The following PLEKHH1 variants were observed in gnomAD, a reference collection of about 807,000 sequenced individuals.
The protein encoded by PLEKHH1 is pleckstrin homology domain-containing family H member 1.
In PLEKHH1, 104 loss-of-function variants were observed where a neutral mutation model predicts 160.0. The observed-to-expected ratio is 0.65, with a 90% CI of 0.55 to 0.76. The LOEUF is 0.76. Ranked by LOEUF, PLEKHH1 falls within the 30% of genes least tolerant of loss-of-function variation. PLEKHH1 has a pLI of 0.00. For missense variants in PLEKHH1, 1,427 were observed against 1,724.1 expected (o/e 0.83, Z 3.05); for synonymous variants, 619 against 678.4 (o/e 0.91, Z 1.36).
Position 67,585,958 on chromosome 14 carries a change from A to T in PLEKHH1, c.3794A>T (p.His1265Leu), listed in dbSNP as rs770545289. The change falls in exon 28 of 29, where the codon CAC (histidine) becomes CTC (leucine). Residue 1265 changes from histidine to leucine, a missense_variant. His to Leu is a moderately conservative substitution (Grantham distance 99, BLOSUM62 -3). Transcript: ENST00000329153. ...SILDHNTMQV[H>L]ITYPYSSVTT... ...ACTGGTTCCTTTCCACAGCAAGTGC[A>T]CATCACTTACCCCTACTCTTCAGTG... is the stretch of plus-strand genomic sequence containing the variant. 6.2e-7 allele frequency: 1 copy of T among 1,612,414 alleles called. No homozygotes were observed. Among genetic ancestry groups the T allele is most frequent in the South Asian group, 1.1e-5 (1 of 90,762 alleles).
chr14:67,586,790 G>T (rs372813915), intron 28 of PLEKHH1: 1 of 1,382,326 alleles, frequency 7.2e-7, no homozygotes, highest in Admixed American at 2.5e-5. Context: ...TTCTTAAGAA[G>T]GCCCCTTCCC....
chr14:67,548,826 C>T (rs990957948), intron 2 of PLEKHH1, among the ~76,000 whole-genome samples: 5 of 152,216 alleles, frequency 3.3e-5, no homozygotes, highest in South Asian at 2.1e-4. Context: ...CTGTCACAAT[C>T]GCTTGCCAGT....
At position 67,553,065 on chromosome 14, in the gene PLEKHH1, A is replaced by T. The variant is rs560554429; in HGVS notation, c.127-2760A>T. ...TGGAAATGCCTCCATGAGAGGTAAGACCCAAGTTTATCCTTTACTCCACCT... is the reference window on the plus strand; with the variant it reads ...TGGAAATGCCTCCATGAGAGGTAAGTCCCAAGTTTATCCTTTACTCCACCT... On this transcript the variant is annotated intron_variant, in intron 2 of 28. Coordinates refer to ENST00000329153, the MANE Select transcript of PLEKHH1 (RefSeq NM_020715.3). Among the ~76,000 whole-genome samples the T allele has an allele frequency of 8.5e-5, 13 of 152,328 alleles. No homozygotes were observed. In the South Asian group the frequency reaches 2.5e-3, roughly 29 times the overall value.
chr14:67,574,084 C>G lies in PLEKHH1; in HGVS notation c.1927-158C>G, dbSNP rs1189414579. Among the ~76,000 whole-genome samples the G allele has an allele frequency of 6.6e-6, 1 of 152,082 alleles. No homozygotes were observed. Among genetic ancestry groups the G allele is most frequent in the East Asian group, 1.9e-4 (1 of 5,190 alleles). On this transcript the variant is annotated intron_variant, in intron 13 of 28. Coordinates refer to ENST00000329153, the MANE Select transcript of PLEKHH1 (RefSeq NM_020715.3). This position sits in a 1 kb window ranked among gnomAD's most constrained non-coding sequence, Gnocchi z 4.2. ...AGAGATGGAGTGAAGGAAGGAGAGA[C>G]AGGGAGGAAAAGATGAGGAGGAAAA...
chr14:67,573,463 G>A lies in PLEKHH1; in HGVS notation c.1839+77G>A, dbSNP rs1372277090. The A allele has an allele frequency of 1.0e-6, 1 of 991,668 alleles. No homozygotes were observed. Among genetic ancestry groups the A allele is most frequent in the South Asian group, 1.4e-5 (1 of 71,444 alleles). 61.4% of individuals were successfully genotyped at this position (991,668 alleles called of 1,614,324 possible). On this transcript the variant is annotated intron_variant, in intron 12 of 28. Transcript: ENST00000329153. The surrounding 1 kb of genome is among the most constrained non-coding windows in gnomAD (Gnocchi z 4.8). The stretch of plus-strand genomic sequence containing the variant: ...CTGGACTATGTCAGATGGGACGGAG[G>A]AGGGGGAATGTGGCCCAAGGCCAGA...
intron 11 of PLEKHH1, 90 bp downstream of exon 11, chr14:67,572,367 C>CTA: frequency 1.1e-6 from 1 of 889,858 alleles, no homozygotes; most frequent in Non-Finnish European, 1.6e-6. Context: ...CAGTAGCTGC[C>CTA]TGAAGTGAGG....
In PLEKHH1 at chr14:67,583,775, C is replaced by G; in HGVS notation, c.3461C>G (p.Pro1154Arg). The G allele has an allele frequency of 6.2e-7, 1 of 1,612,372 alleles. No individual in the cohort carries two copies. The highest frequency in any genetic ancestry group is 8.5e-7 in the Non-Finnish European group (1 of 1,179,144). ...EYGDLEKPAL[P>R]GPGGTSPAKA... Reference sequence around the variant, plus strand: ...GGGGACTTGGAGAAGCCTGCCCTGCCAGGCCCTGGAGGCACATCCCCTGCC... The same window carrying G: ...GGGGACTTGGAGAAGCCTGCCCTGCGAGGCCCTGGAGGCACATCCCCTGCC... The change falls in exon 25 of 29, where the codon CCA (proline) becomes CGA (arginine). Residue 1154 changes from proline (P) to arginine (R), a missense_variant. Pro to Arg is a moderately radical substitution (Grantham distance 103). Coordinates refer to ENST00000329153, the MANE Select transcript of PLEKHH1 (RefSeq NM_020715.3).
intron 26 of PLEKHH1, among the ~76,000 whole-genome samples, chr14:67,584,949 G>C (rs984686159): frequency 4.6e-5 from 7 of 152,214 alleles, no homozygotes; most frequent in Non-Finnish European, 8.8e-5. Context: ...GAAAAAGGTG[G>C]CATGTCCAAT....
chr14:67,575,457 G>T lies in PLEKHH1; in HGVS notation c.2154G>T (p.Arg718=). The stretch of plus-strand genomic sequence containing the variant: ...TTGGGAAAATCTTCTACTACTATCG[G>T]AGCCATGAGGACAAGGTACTTCTCA... ...ALVGKIFYYY[R]SHEDKRPLGC... is the part of the protein sequence containing the mutation. The change falls in exon 15 of 29, where the codon CGG becomes CGT. Residue 718 remains arginine, a synonymous_variant. Transcript: ENST00000329153. 1 of 1,603,230 alleles carries T rather than the reference G, an allele frequency of 6.2e-7. No homozygotes were observed. The highest frequency in any genetic ancestry group is 8.5e-7 in the Non-Finnish European group (1 of 1,173,612).
rs2035416275 is a variant in PLEKHH1, at chr14:67,572,189, C to T, written c.1640C>T (p.Ala547Val). 6.2e-7 allele frequency: 1 copy of T among 1,608,500 alleles called. No homozygotes were observed. Among genetic ancestry groups the T allele is most frequent in the Admixed American group, 1.7e-5 (1 of 59,406 alleles). The change falls in exon 11 of 29, where the codon GCC becomes GTC. Residue 547 changes from alanine (A) to valine (V), a missense_variant. Ala to Val is a moderately conservative substitution (Grantham distance 64). Transcript: ENST00000329153. The stretch of plus-strand genomic sequence containing the variant: ...GGTGACTACGCCATCCCCCCGGACG[C>T]CTGCTCACTGGACAGTGACTACTCA... Reference protein sequence around the residue: ...SEGDYAIPPDACSLDSDYSEP... With the variant: ...SEGDYAIPPDVCSLDSDYSEP...
intron 5 of PLEKHH1, 37 bp from the exon 6 acceptor site, chr14:67,561,917 C>G: frequency 5.3e-6 from 7 of 1,328,504 alleles, no homozygotes; most frequent in Non-Finnish European, 7.6e-6. Context: ...AACCTGTAGG[C>G]TGGGTGTCCT....
At chr14:67,538,262 G>C (rs2033820977) in intron 1 of PLEKHH1, among the ~76,000 whole-genome samples, 1 of 152,192 alleles carries the variant, frequency 6.6e-6, no homozygotes, top group South Asian at 2.1e-4. Flanking sequence ...ATCATGGGAA[G>C]AGGACAATTG....
At chr14:67,540,958 G>A (rs1185555124) in intron 1 of PLEKHH1, among the ~76,000 whole-genome samples, 1 of 152,138 alleles carries the variant, frequency 6.6e-6, no homozygotes, top group Non-Finnish European at 1.5e-5. Context: ...CATACTATAG[G>A]TGTCTACTTG....
chr14:67,585,509 A>G, intron 26 of PLEKHH1, 59 bp from the exon 27 acceptor site: 1 of 1,162,572 alleles, frequency 8.6e-7, no homozygotes, highest in East Asian at 2.6e-5. Context: ...TCAGAAAGTT[A>G]TTATAGTTCA....
intron 2 of PLEKHH1, among the ~76,000 whole-genome samples, chr14:67,545,582 A>C (rs900302310): frequency 6.6e-6 from 1 of 152,238 alleles, no homozygotes; most frequent in Non-Finnish European, 1.5e-5. Flanking sequence ...GGCAGAAATA[A>C]ATCCAAATAT....
chr14:67,577,820 TA>T (rs1566758418), intron 18 of PLEKHH1, among the ~76,000 whole-genome samples: 1 of 152,214 alleles, frequency 6.6e-6, no homozygotes, highest in Non-Finnish European at 1.5e-5. Context: ...GAGAACATTT[TA>T]AAAAGGAAAC....
chr14:67,536,988 C>G (rs1041795085), intron 1 of PLEKHH1, among the ~76,000 whole-genome samples: 3 of 150,276 alleles, frequency 2.0e-5, no homozygotes, highest in Admixed American at 6.6e-5. Flanking sequence ...TGCAGTGAGC[C>G]GAGATTGCAC....
At chr14:67,563,300 G>A (rs2034928794) in intron 7 of PLEKHH1, among the ~76,000 whole-genome samples, 1 of 152,194 alleles carries the variant, frequency 6.6e-6, no homozygotes, top group Non-Finnish European at 1.5e-5. Flanking sequence ...CAGCTTCCCT[G>A]TCTATAAAAT....
chr14:67,567,306 T>A (rs1297116385), intron 7 of PLEKHH1, among the ~76,000 whole-genome samples: 1 of 152,178 alleles, frequency 6.6e-6, no homozygotes, highest in East Asian at 1.9e-4. Context: ...TACTTATGTA[T>A]CTTAGAGTTT....
Sources: gnomAD v4.1 joint callset for allele counts (sites outside exome capture counted in the v4.1 genomes callset) on GRCh38, gnomAD v4.1.1 for gene constraint, Gnocchi (gnomAD v3.1) non-coding constraint, MANE v1.5 for transcripts, NCBI Gene and HGNC (gene_info 2026-07-23, HGNC 2026-07-21) for gene names.